Variants in HEATR3 observed in about 807,000 individuals in gnomAD.
HEATR3 encodes the protein HEAT repeat containing 3.
In HEATR3, 56 loss-of-function variants were observed where a neutral mutation model predicts 72.8. That is an observed-to-expected ratio of 0.77 (90% CI 0.62 to 0.96). The LOEUF (loss-of-function observed/expected upper bound fraction) is 0.96, where lower values mean the gene tolerates loss of function less well. Ranked by LOEUF, HEATR3 falls within the 40% of genes least tolerant of loss-of-function variation. HEATR3 has a pLI of 0.00. For missense variants in HEATR3, 747 were observed against 831.4 expected (o/e 0.90, Z 1.25); for synonymous variants, 331 against 318.1 (o/e 1.04, Z -0.43).
At chr16:50,104,425 T>A (rs1481324701) in intron 14 of HEATR3, among the ~76,000 whole-genome samples, 2 of 152,068 alleles carry the variant, frequency 1.3e-5, no homozygotes, top group Non-Finnish European at 2.9e-5. Context: ...AGGTGGGGTC[T>A]CACTGTGTTG....
chr16:50,102,207 C>T (rs1262190676), intron 13 of HEATR3, 52 bp from the exon 14 acceptor site: 8 of 1,486,262 alleles, frequency 5.4e-6, no homozygotes, highest in Non-Finnish European at 7.3e-6. Flanking sequence ...AAAGTTGGTA[C>T]TTGTTTTGGA....
intron 13 of HEATR3, among the ~76,000 whole-genome samples, chr16:50,101,240 C>G (rs770971329): frequency 6.6e-6 from 1 of 151,894 alleles, no homozygotes; most frequent in African/African-American, 2.4e-5. Context: ...CTCAGCCTCC[C>G]GAGTAGCTGG....
chr16:50,066,785 C>G (rs1469103621), intron 2 of HEATR3: 4 of 387,246 alleles, frequency 1.0e-5, no homozygotes, highest in Admixed American at 4.5e-5. Context: ...TCACGCCTTG[C>G]GCACGTTTTA....
At chr16:50,070,702 CAA>C (rs35352443) in intron 4 of HEATR3, among the ~76,000 whole-genome samples, 2 of 135,830 alleles carry the variant, frequency 1.5e-5, no homozygotes, top group African/African-American at 5.4e-5. Context: ...ATTCCTGTCT[CAA>C]AAAAAAAAAA....
chr16:50,087,677 G>A (rs2037017755), intron 11 of HEATR3, among the ~76,000 whole-genome samples: 1 of 152,194 alleles, frequency 6.6e-6, no homozygotes, highest in South Asian at 2.1e-4. Context: ...CAGCTGCTGA[G>A]GTTCCAGGTG....
At chr16:50,072,842 C>G (rs1010145049) in intron 5 of HEATR3, 128 bp downstream of exon 5, 4 of 652,830 alleles carry the variant, frequency 6.1e-6, no homozygotes, top group Non-Finnish European at 1.1e-5. Flanking sequence ...TGTAGCTCAG[C>G]ACCTGTTTTT....
chr16:50,071,976 C>T (rs566716237), intron 4 of HEATR3, among the ~76,000 whole-genome samples: 3 of 152,236 alleles, frequency 2.0e-5, no homozygotes, highest in African/African-American at 7.2e-5. Context: ...CTATTGTAGA[C>T]TGCAAATTCT....
rs952176288 is a variant in HEATR3 at position 50,106,749 on chromosome 16, T to A, written c.*1688T>A. The A allele has an allele frequency of 6.6e-6, 1 of 152,204 alleles. No individual in the cohort carries two copies. The highest frequency in any genetic ancestry group is 2.4e-5 in the African/African-American group (1 of 41,452). The allele number at this position is 152,204 out of a possible 1,614,324, so 9.4% of individuals were successfully genotyped here. On this transcript the variant is annotated 3_prime_UTR_variant, in exon 15 of 15. Coordinates refer to ENST00000299192, the MANE Select transcript of HEATR3 (RefSeq NM_182922.4). Reference sequence around the variant, plus strand: ...AGTACAGGACTTAATTTTAATTCACTGCTTCCACAGCAGCACAAAATGAGC... The same window carrying A: ...AGTACAGGACTTAATTTTAATTCACAGCTTCCACAGCAGCACAAAATGAGC...
chr16:50,092,631 C>CG (rs1567442683), intron 11 of HEATR3, among the ~76,000 whole-genome samples: 1 of 151,300 alleles, frequency 6.6e-6, no homozygotes, highest in Non-Finnish European at 1.5e-5. Context: ...TTAGTAGAGA[C>CG]GGGGTTTCAC....
chr16:50,091,172 GA>G (rs1166537269), intron 11 of HEATR3, among the ~76,000 whole-genome samples: 4 of 146,472 alleles, frequency 2.7e-5, no homozygotes, highest in Non-Finnish European at 4.5e-5. Flanking sequence ...TTAAAAATAA[GA>G]AAAAAAATTC....
At chr16:50,098,322 G>C (rs1194090499) in intron 12 of HEATR3, 1 of 151,988 alleles carries the variant, frequency 6.6e-6, no homozygotes, top group Non-Finnish European at 1.5e-5. Flanking sequence ...ACTGAAGTTG[G>C]TATACAACCC....
At position 50,078,932 on chromosome 16, in the gene HEATR3, G is replaced by T; in HGVS notation, c.955G>T (p.Asp319Tyr). The T allele has an allele frequency of 6.2e-7, 1 of 1,613,920 alleles. No individual in the cohort carries two copies. The highest frequency in any genetic ancestry group is 8.5e-7 in the Non-Finnish European group (1 of 1,179,872). The change falls in exon 7 of 15, where the codon GAT becomes TAT. Residue 319 changes from aspartate to tyrosine, a missense_variant. Physicochemically the swap from Asp to Tyr is radical, Grantham distance 160. Around this residue, in one of 2 missense-constraint regions of HEATR3, gnomAD observed 586 missense variants for 708.8 expected, o/e 0.83. Transcript: ENST00000299192. ...GGAAATATTAGAGAACACTAATGGG[G>T]ATGATTTGATTGAAGATGATGAAAT... ...AEEILENTNG[D>Y]DLIEDDEMEG...
chr16:50,094,415 T>C (rs577156012), intron 11 of HEATR3, among the ~76,000 whole-genome samples: 2 of 152,298 alleles, frequency 1.3e-5, no homozygotes, highest in African/African-American at 4.8e-5. Flanking sequence ...TATTATGTGC[T>C]GAAGTGTGAG....
chr16:50,089,851 A>G (rs1001697929), intron 11 of HEATR3, among the ~76,000 whole-genome samples: 7 of 151,928 alleles, frequency 4.6e-5, no homozygotes, highest in African/African-American at 4.8e-5. Flanking sequence ...GTATTTTTAT[A>G]GAGACGGGTT....
At chr16:50,091,673 G>T (rs2037114163) in intron 11 of HEATR3, among the ~76,000 whole-genome samples, 2 of 151,756 alleles carry the variant, frequency 1.3e-5, no homozygotes, top group East Asian at 1.9e-4. Flanking sequence ...AGGAGATTGA[G>T]ACCCTGGCTA....
chr16:50,096,844 C>G (rs2037250074), intron 12 of HEATR3, among the ~76,000 whole-genome samples: 1 of 152,150 alleles, frequency 6.6e-6, no homozygotes, highest in Non-Finnish European at 1.5e-5. Flanking sequence ...TTAGTATATT[C>G]TCATATTCTT....
chr16:50,088,365 A>G (rs972073722), intron 11 of HEATR3, among the ~76,000 whole-genome samples: 3 of 152,168 alleles, frequency 2.0e-5, no homozygotes, highest in African/African-American at 7.2e-5. Context: ...CCCTTTCAAC[A>G]TTGATCAGTT....
intron 4 of HEATR3, 42 bp from the exon 5 acceptor site, chr16:50,072,562 TA>T: frequency 7.9e-7 from 1 of 1,266,718 alleles, no homozygotes; most frequent in Non-Finnish European, 1.2e-6. Flanking sequence ...TTCCTACTGT[TA>T]AAATGTGAAT....
chr16:50,075,331 G>T (rs1406299124), intron 5 of HEATR3, among the ~76,000 whole-genome samples: 1 of 106,896 alleles, frequency 9.4e-6, no homozygotes, highest in African/African-American at 3.4e-5. Flanking sequence ...AAAAAAAAAA[G>T]TATAGATCTG....
Sources: gnomAD v4.1 joint callset for allele counts (sites outside exome capture counted in the v4.1 genomes callset) on GRCh38, gnomAD v4.1.1 for gene constraint, gnomAD v4.1.1 regional missense constraint, MANE v1.5 for transcripts, NCBI Gene and HGNC (gene_info 2026-07-23, HGNC 2026-07-21) for gene names.